CBR4: variants seen among roughly 807,000 people sequenced by gnomAD.
CBR4 encodes the protein carbonyl reductase 4.
CBR4 carries 22 observed loss-of-function variants against 21.0 expected under a neutral mutation model. The observed-to-expected ratio is 1.05, with a 90% CI of 0.75 to 1.50. The LOEUF is 1.50. CBR4 is among the 40% of genes most tolerant of loss of function. CBR4 has a pLI of 0.00. For missense variants in CBR4, 302 were observed against 286.3 expected (o/e 1.05, Z -0.40); for synonymous variants, 100 against 104.4 (o/e 0.96, Z 0.26).
At chr4:168,964,394 A>G (rs1292256390) in intron 2 of CBR4, among the ~76,000 whole-genome samples, 1 of 152,246 alleles carries the variant, frequency 6.6e-6, no homozygotes, top group East Asian at 1.9e-4. Flanking sequence ...AAAATAAAAA[A>G]TAAAGACGAC....
intron 2 of CBR4, 59 bp from the exon 3 acceptor site, chr4:169,006,950 A>G: frequency 7.3e-7 from 1 of 1,368,808 alleles, no homozygotes. Context: ...CAAAAAGGTC[A>G]AGACTAATGT....
intron 2 of CBR4, among the ~76,000 whole-genome samples, chr4:168,909,575 T>G (rs1426910791): frequency 6.6e-6 from 1 of 152,166 alleles, no homozygotes; most frequent in African/African-American, 2.4e-5. Flanking sequence ...ATTATAAGGT[T>G]TCCTGGCTCA....
Position 168,990,067 on chromosome 4 carries a change from T to C in CBR4, c.*83A>G, listed in dbSNP as rs1764834772. The C allele has an allele frequency of 2.2e-6, 3 of 1,366,002 alleles. No individual in the cohort carries two copies. The highest frequency in any genetic ancestry group is 2.9e-6 in the Non-Finnish European group (3 of 1,050,860). 84.6% of individuals were successfully genotyped at this position (1,366,002 alleles called of 1,614,324 possible). A position where few individuals can be genotyped will look rare whatever the true frequency, so the allele number is the denominator to read the frequency against. The stretch of plus-strand genomic sequence containing the variant: ...ATCAGCAGGTTTGATTAGCACATGT[T>C]ACCCATGTAGGTATAATTGTCTAAT... On this transcript the variant is annotated 3_prime_UTR_variant, in exon 5 of 5. Transcript: ENST00000306193.
At chr4:168,959,247 A>C (rs1475058992) in intron 2 of CBR4, among the ~76,000 whole-genome samples, 2 of 152,136 alleles carry the variant, frequency 1.3e-5, no homozygotes, top group Non-Finnish European at 2.9e-5. Context: ...CATTTTTTTC[A>C]CATGGCTATC....
chr4:168,945,025 A>C (rs1000029680), intron 2 of CBR4, among the ~76,000 whole-genome samples: 5 of 152,234 alleles, frequency 3.3e-5, no homozygotes, highest in Non-Finnish European at 5.9e-5. Context: ...TAACTGTGTT[A>C]GACAATAACC....
At chr4:169,006,033 C>A in intron 3 of CBR4, 1 of 544,162 alleles carries the variant, frequency 1.8e-6, no homozygotes, top group Non-Finnish European at 3.1e-6. Flanking sequence ...GCATATACTC[C>A]ACAGCTTATC....
chr4:168,916,684 C>CTTTTTTTT (rs545906704), intron 2 of CBR4, among the ~76,000 whole-genome samples: 1 of 136,450 alleles, frequency 7.3e-6, no homozygotes, highest in Non-Finnish European at 1.5e-5. Context: ...TTTTCTAATT[C>CTTTTTTTT]TTTTTTTTTT....
intron 2 of CBR4, chr4:168,915,951 T>A: frequency 6.2e-7 from 1 of 1,613,130 alleles, no homozygotes; most frequent in Admixed American, 1.7e-5. Context: ...CAGGAGCGAT[T>A]CTTCAGACCT....
At chr4:168,901,116 C>A (rs906612759) in intron 2 of CBR4, among the ~76,000 whole-genome samples, 2 of 151,918 alleles carry the variant, frequency 1.3e-5, no homozygotes, top group African/African-American at 4.8e-5. Context: ...TCCCTCCTTC[C>A]TCTCCCTCAA....
At chr4:168,977,650 CCATA>C (rs1256792396) in intron 2 of CBR4, among the ~76,000 whole-genome samples, 1 of 152,140 alleles carries the variant, frequency 6.6e-6, no homozygotes, top group Non-Finnish European at 1.5e-5. Context: ...AGTTTCTGAC[CCATA>C]CATACTTGAT....
intron 4 of CBR4, among the ~76,000 whole-genome samples, chr4:168,994,278 C>T (rs980137421): frequency 2.0e-5 from 3 of 152,246 alleles, no homozygotes; most frequent in African/African-American, 7.2e-5. Context: ...ATCGCTCATG[C>T]TATTGTCTGT....
rs1256337836 is a variant in CBR4, at chr4:169,010,168, G to A, written c.-79C>T. 2 of 1,087,606 alleles carry A rather than the reference G, an allele frequency of 1.8e-6. No homozygotes were observed. Among genetic ancestry groups the A allele is most frequent in the African/African-American group, 1.9e-5 (1 of 51,306 alleles). 67.4% of individuals were successfully genotyped at this position (1,087,606 alleles called of 1,614,324 possible). A position where few individuals can be genotyped will look rare whatever the true frequency, so the allele number is the denominator to read the frequency against. On this transcript the variant is annotated 5_prime_UTR_variant, in exon 1 of 5. Coordinates refer to ENST00000306193, the MANE Select transcript of CBR4 (RefSeq NM_032783.5). ...GGTTCCCTCAGGCTTTTAAACAACC[G>A]CGGTTCCAAAAAAAAAAAAAAGAAA...
intron 2 of CBR4, among the ~76,000 whole-genome samples, chr4:168,918,466 T>C (rs920995979): frequency 6.6e-6 from 1 of 152,094 alleles, no homozygotes; most frequent in Non-Finnish European, 1.5e-5. Context: ...ATCTTACTTA[T>C]ATGTGCAATA....
intron 2 of CBR4, among the ~76,000 whole-genome samples, chr4:168,973,597 G>C (rs28588191): frequency 0.011 from 1,730 of 152,294 alleles, 48 homozygotes; most frequent in African/African-American, 0.039. Flanking sequence ...CAAAGTGCTG[G>C]GATTACAGGC....
At chr4:168,920,168 G>A (rs768483529) in intron 2 of CBR4, among the ~76,000 whole-genome samples, 1 of 152,182 alleles carries the variant, frequency 6.6e-6, no homozygotes, top group Non-Finnish European at 1.5e-5. Flanking sequence ...CTCCAAACAG[G>A]TCAGGCAGTG....
chr4:168,919,682 T>C (rs912686406), intron 2 of CBR4, among the ~76,000 whole-genome samples: 1 of 152,160 alleles, frequency 6.6e-6, no homozygotes, highest in Non-Finnish European at 1.5e-5. Context: ...CCTCCCCTTT[T>C]AGCCCCTGAG....
At chr4:168,920,829 TTGA>T (rs1422719828) in intron 2 of CBR4, among the ~76,000 whole-genome samples, 4 of 152,222 alleles carry the variant, frequency 2.6e-5, no homozygotes, top group Non-Finnish European at 5.9e-5. Flanking sequence ...TGGCTGCTCC[TTGA>T]TGAGAAGCTT....
chr4:168,962,138 G>T (rs1341845804), intron 2 of CBR4, among the ~76,000 whole-genome samples: 1 of 151,744 alleles, frequency 6.6e-6, no homozygotes, highest in Admixed American at 6.6e-5. Flanking sequence ...AAAACACAAA[G>T]GAAAACCATT....
At chr4:168,922,083 A>ATT (rs1272913154) in intron 2 of CBR4, among the ~76,000 whole-genome samples, 2 of 120,954 alleles carry the variant, frequency 1.7e-5, no homozygotes, top group Non-Finnish European at 3.2e-5. Flanking sequence ...AAAGTTTTAT[A>ATT]TTTATATATA....
Sources: gnomAD v4.1 joint callset for allele counts (sites outside exome capture counted in the v4.1 genomes callset) on GRCh38, gnomAD v4.1.1 for gene constraint, MANE v1.5 for transcripts, NCBI Gene and HGNC (gene_info 2026-07-23, HGNC 2026-07-21) for gene names.